PEX1: variants seen among roughly 807,000 people sequenced by gnomAD.
The protein encoded by PEX1 is peroxisomal ATPase PEX1.
PEX1 carries 97 observed loss-of-function variants against 152.5 expected under a neutral mutation model. The observed-to-expected ratio is 0.64, with a 90% CI of 0.54 to 0.75. The LOEUF is 0.75. Ranked by LOEUF, PEX1 falls within the 30% of genes least tolerant of loss-of-function variation. The pLI is 0.00. For synonymous variants in PEX1, 485 were observed against 531.6 expected (o/e 0.91, Z 1.21); for missense variants, 1,357 against 1,516.3 (o/e 0.89, Z 1.74).
At chr7:92,513,241 A>C (rs1303535461) in intron 6 of PEX1, among the ~76,000 whole-genome samples, 1 of 152,212 alleles carries the variant, frequency 6.6e-6, no homozygotes, top group African/African-American at 2.4e-5. Context: ...GAACTCAAAC[A>C]GATACTTGTA....
At chr7:92,498,296 G>A (rs1791758980) in intron 16 of PEX1, among the ~76,000 whole-genome samples, 1 of 151,780 alleles carries the variant, frequency 6.6e-6, no homozygotes, top group South Asian at 2.1e-4. Context: ...TCGAGGTCAG[G>A]AGTTCAAGAC....
chr7:92,511,089 C>T, intron 7 of PEX1, 42 bp from the exon 8 acceptor site: 1 of 886,758 alleles, frequency 1.1e-6, no homozygotes, highest in South Asian at 1.4e-5. Context: ...AGTACTGAAA[C>T]AGAGATGAAA....
chr7:92,525,128 C>T (rs920583160), intron 1 of PEX1, among the ~76,000 whole-genome samples: 1 of 152,158 alleles, frequency 6.6e-6, no homozygotes, highest in Admixed American at 6.5e-5. Flanking sequence ...GACCAATGTT[C>T]TAAGTTAATT....
chr7:92,518,106 T>C, intron 4 of PEX1, 35 bp downstream of exon 4: 1 of 1,605,456 alleles, frequency 6.2e-7, no homozygotes, highest in Non-Finnish European at 8.5e-7. Flanking sequence ...TGCTATAGTG[T>C]AGAATATGAC....
chr7:92,503,393 T>C (rs1792029493), intron 12 of PEX1, among the ~76,000 whole-genome samples, 198 bp from the exon 13 acceptor site: 1 of 152,162 alleles, frequency 6.6e-6, no homozygotes, highest in South Asian at 2.1e-4. Flanking sequence ...ATAAATCTAA[T>C]GGAGACACAA....
intron 23 of PEX1, 71 bp from the exon 24 acceptor site, chr7:92,487,612 G>A (rs1398465070): frequency 7.6e-6 from 5 of 654,748 alleles, no homozygotes; most frequent in South Asian, 4.4e-5. Context: ...ATGGATTGTT[G>A]GCAAACACAA....
At chr7:92,515,936 G>T (rs993912078) in intron 5 of PEX1, among the ~76,000 whole-genome samples, 7 of 151,662 alleles carry the variant, frequency 4.6e-5, no homozygotes, top group African/African-American at 1.5e-4. Flanking sequence ...GGAGGTTGTA[G>T]TGAGTGGAGG....
At chr7:92,492,815 C>G (rs1386728355) in intron 20 of PEX1, 138 bp downstream of exon 20, 3 of 726,800 alleles carry the variant, frequency 4.1e-6, no homozygotes, top group Non-Finnish European at 7.5e-6. Context: ...ATGGAACATT[C>G]AACTAAAGGT....
chr7:92,511,501 G>A (rs973487883), intron 7 of PEX1, 79 bp downstream of exon 7: 2 of 1,056,174 alleles, frequency 1.9e-6, no homozygotes, highest in African/African-American at 1.6e-5. Context: ...CTGTTCACAG[G>A]TATGACAGGT....
chr7:92,495,564 G>A (rs1791613477), intron 17 of PEX1, among the ~76,000 whole-genome samples: 1 of 152,044 alleles, frequency 6.6e-6, no homozygotes, highest in African/African-American at 2.4e-5. Flanking sequence ...TTTTGTCTAT[G>A]TCACCTAAGT....
At chr7:92,505,848 G>A (rs1424832124) in intron 11 of PEX1, among the ~76,000 whole-genome samples, 1 of 152,100 alleles carries the variant, frequency 6.6e-6, no homozygotes, top group East Asian at 1.9e-4. Flanking sequence ...AGTGTTATAT[G>A]GTGAACTGTA....
In PEX1 at chr7:92,494,404, A is replaced by G. The variant is rs778618662; in HGVS notation, c.2927-8T>C. 13 of 1,613,378 alleles carry G rather than the reference A, an allele frequency of 8.1e-6. No homozygotes were observed. Among genetic ancestry groups the G allele is most frequent in the Non-Finnish European group, 1.0e-5 (12 of 1,179,466 alleles). On this transcript the variant is annotated splice_polypyrimidine_tract_variant and splice_region_variant and intron_variant, in intron 18 of 23. Coordinates refer to ENST00000248633, the MANE Select transcript of PEX1 (RefSeq NM_000466.3). ...CAGCCAATACATAAACACCTAGAGG[A>G]AAAAAGAACATTTTTTTACCAAAAT...
At chr7:92,507,222 A>AT (rs1792237905) in intron 9 of PEX1, 96 bp from the exon 10 acceptor site, 1 of 977,252 alleles carries the variant, frequency 1.0e-6, no homozygotes, top group Admixed American at 2.5e-5. Flanking sequence ...AGTGTAGTTA[A>AT]TTAATTTAAT....
chr7:92,491,208 G>T, intron 21 of PEX1, 64 bp downstream of exon 21: 1 of 1,150,246 alleles, frequency 8.7e-7, no homozygotes, highest in Non-Finnish European at 1.3e-6. Context: ...AGAAATCACT[G>T]CAACTTTACA....
At chr7:92,497,438 CAT>C (rs978036560) in intron 16 of PEX1, among the ~76,000 whole-genome samples, 38 of 147,742 alleles carry the variant, frequency 2.6e-4, no homozygotes, top group African/African-American at 8.3e-4. Flanking sequence ...ATTTTTAGAA[CAT>C]GTGGGAAAAG....
rs1456314965 is a variant in PEX1, at chr7:92,522,116, A to G, written c.259T>C (p.Ser87Pro). 6.2e-7 allele frequency: 1 copy of G among 1,614,068 alleles called. No homozygotes were observed. Among genetic ancestry groups the G allele is most frequent in the South Asian group, 1.1e-5 (1 of 91,080 alleles). ...NRQVGQKLGL[S>P]NGGQVFLKPC... is the part of the protein sequence containing the mutation. ...CATGTGCTTACCTGTCCCCCATTTG[A>G]GAGTCCAAGTTTTTGACCAACTTGT... Residue 87 changes from serine (S) to proline (P), a missense_variant, in exon 2 of 24, where the codon TCA (serine) becomes CCA (proline). Transcript: ENST00000248633.
At chr7:92,493,623 A>C (rs1274779647) in intron 19 of PEX1, 1 of 154,030 alleles carries the variant, frequency 6.5e-6, no homozygotes, top group East Asian at 1.9e-4. Flanking sequence ...TGGGTGACAA[A>C]GTGAGACCTT....
chr7:92,511,643 T>C lies in PEX1; in HGVS notation c.1420A>G (p.Thr474Ala). 1.9e-6 allele frequency: 3 copies of C among 1,611,064 alleles called. No homozygotes were observed. The highest frequency in any genetic ancestry group is 2.5e-6 in the Non-Finnish European group (3 of 1,177,524). The change falls in exon 7 of 24, where the codon ACT becomes GCT. Residue 474 changes from threonine (T) to alanine (A), a missense_variant. Coordinates refer to ENST00000248633, the MANE Select transcript of PEX1 (RefSeq NM_000466.3). The stretch of plus-strand genomic sequence containing the variant: ...ATTACCAAAGGAAGCATGGTGGTAG[T>C]AGACTGCTGTAGCCATGAATAAAAT... ...TVFYSWLQQS[T>A]TTMLPLVISE...
chr7:92,509,423 A>C lies in PEX1; in HGVS notation c.1588-12T>G. 6.3e-7 allele frequency: 1 copy of C among 1,581,850 alleles called. No homozygotes were observed. The highest frequency in any genetic ancestry group is 8.7e-7 in the Non-Finnish European group (1 of 1,151,258). ...GGATCTAGAAGGACCTACAGTTGCA[A>C]GGAAAAATCAGTTTTACATTTCAAA... On this transcript the variant is annotated splice_polypyrimidine_tract_variant and intron_variant, in intron 8 of 23. Transcript: ENST00000248633.
Sources: gnomAD v4.1 joint callset for allele counts (sites outside exome capture counted in the v4.1 genomes callset) on GRCh38, gnomAD v4.1.1 for gene constraint, MANE v1.5 for transcripts, NCBI Gene and HGNC (gene_info 2026-07-23, HGNC 2026-07-21) for gene names.